The following FBN1 variants were observed in gnomAD, a reference collection of about 807,000 sequenced individuals.
FBN1 encodes fibrillin 1.
Under a neutral mutation model 365.1 loss-of-function variants are expected in FBN1, and 29 were observed. The ratio of observed to expected loss-of-function variants is 0.08; its 90% CI spans 0.06 to 0.11. The LOEUF is 0.11. FBN1 is among the 10% of genes least tolerant of loss of function. FBN1 has a pLI of 1.00. For synonymous variants in FBN1, 1,210 were observed against 1,270.5 expected, an observed-to-expected ratio of 0.95 and a Z score of 1.01; for missense variants, 2,476 against 3,703.2, an observed-to-expected ratio of 0.67 and a Z score of 8.60.
intron 32 of FBN1, among the ~76,000 whole-genome samples, 164 bp downstream of exon 32, chr15:48,481,491 T>A (rs2043464749): frequency 6.6e-6 from 1 of 152,156 alleles, no homozygotes; most frequent in Non-Finnish European, 1.5e-5. Flanking sequence ...ATATAAACGA[T>A]GACAAATTTC....
intron 6 of FBN1, among the ~76,000 whole-genome samples, chr15:48,556,855 A>G (rs1037366027): frequency 1.3e-5 from 2 of 152,226 alleles, no homozygotes; most frequent in African/African-American, 4.8e-5. Flanking sequence ...TCTCAAGCAC[A>G]TATTTTTTAT....
chr15:48,479,261 T>C (rs1223193012), intron 32 of FBN1, among the ~76,000 whole-genome samples: 1 of 152,150 alleles, frequency 6.6e-6, no homozygotes, highest in Admixed American at 6.5e-5. Flanking sequence ...TAAAAACACG[T>C]TTTCAAGTAT....
intron 14 of FBN1, 78 bp downstream of exon 14, chr15:48,509,966 T>C: frequency 7.0e-7 from 1 of 1,434,360 alleles, no homozygotes; most frequent in East Asian, 2.3e-5. Flanking sequence ...ATTTCACTCA[T>C]TATTTGGTCT....
chr15:48,418,554 C>T (rs1044388810), intron 63 of FBN1, among the ~76,000 whole-genome samples: 2 of 152,130 alleles, frequency 1.3e-5, no homozygotes, highest in African/African-American at 4.8e-5. Context: ...TATACAAACA[C>T]CACGATTTGG....
intron 18 of FBN1, among the ~76,000 whole-genome samples, chr15:48,498,590 C>T (rs1006178461): frequency 2.0e-5 from 3 of 152,188 alleles, no homozygotes; most frequent in Non-Finnish European, 2.9e-5. Flanking sequence ...AGTTCAGAAT[C>T]CTTCAGAATG....
In FBN1 at chr15:48,520,775, C is replaced by T. The variant is rs200388305; in HGVS notation, c.1031G>A (p.Arg344His). The T allele has an allele frequency of 6.8e-6, 11 of 1,614,048 alleles. No individual in the cohort carries two copies. The Admixed American group carries it at 8.3e-5, about 12-fold the overall frequency. Residue 344 changes from arginine to histidine, a missense_variant, in exon 10 of 66, where the codon CGC becomes CAC. Transcript: ENST00000316623. Reference protein sequence around the residue: ...GYCYTALTNGRCSNQLPQSIT... With the variant: ...GYCYTALTNGHCSNQLPQSIT... ...GGACTGTGGCAGCTGGTTAGAGCAG[C>T]GCCCGTTTGTCAGAGCTGTGTAACA...
At chr15:48,547,698 GTTGT>G (rs2044104919) in intron 6 of FBN1, among the ~76,000 whole-genome samples, 1 of 141,636 alleles carries the variant, frequency 7.1e-6, no homozygotes, top group Non-Finnish European at 1.5e-5. Context: ...TGGTATATAG[GTTGT>G]TTGTATATCT....
intron 2 of FBN1, chr15:48,643,828 T>C (rs909288149): frequency 3.9e-5 from 6 of 152,212 alleles, no homozygotes; most frequent in Admixed American, 2.6e-4. Flanking sequence ...ATTCCCACTG[T>C]CCTTCAATAC....
intron 2 of FBN1, among the ~76,000 whole-genome samples, chr15:48,636,954 G>A (rs957802827): frequency 8.5e-5 from 13 of 152,212 alleles, no homozygotes; most frequent in African/African-American, 3.1e-4. Context: ...TTTGTTTCAT[G>A]GTAGTAGAGG....
chr15:48,630,301 G>A (rs1434411327), intron 2 of FBN1, among the ~76,000 whole-genome samples: 2 of 152,200 alleles, frequency 1.3e-5, no homozygotes, highest in Non-Finnish European at 2.9e-5. Flanking sequence ...TGCATAAGTG[G>A]AAGAATTCTT....
chr15:48,581,356 C>T (rs1418934791), intron 6 of FBN1, among the ~76,000 whole-genome samples: 13 of 152,162 alleles, frequency 8.5e-5, no homozygotes, highest in African/African-American at 3.1e-4. Flanking sequence ...ATACACACTC[C>T]AATATGCAAT....
Position 48,449,013 on chromosome 15 carries a change from T to C in FBN1, c.5546-120A>G, listed in dbSNP as rs535804684. 4.0e-5 allele frequency: 33 copies of C among 823,752 alleles called. No individual in the cohort carries two copies. The East Asian group carries it at 8.5e-4, about 21-fold the overall frequency. The allele number at this position is 823,752 out of a possible 1,614,324, so 51.0% of individuals were successfully genotyped here. ...CTAAACTAAGTTAGTGAAACAGATATATTTATTTTTGCATCAAAATGGATT... is the reference window on the plus strand; with the variant it reads ...CTAAACTAAGTTAGTGAAACAGATACATTTATTTTTGCATCAAAATGGATT... On this transcript the variant is annotated intron_variant, in intron 45 of 65. Transcript: ENST00000316623.
chr15:48,589,599 T>C (rs1037044258), intron 6 of FBN1, among the ~76,000 whole-genome samples: 8 of 150,754 alleles, frequency 5.3e-5, no homozygotes, highest in African/African-American at 1.7e-4. Context: ...TATCTACACA[T>C]TGTTACTTTC....
In FBN1 at chr15:48,437,911, C is replaced by T. The variant is rs181032147; in HGVS notation, c.6170G>A (p.Arg2057Gln). Residue 2057 changes from arginine (R) to glutamine (Q), a missense_variant, in exon 51 of 66, where the codon CGA (arginine) becomes CAA (glutamine). By Grantham distance (43) the Arg-to-Gln change is conservative. Coordinates refer to ENST00000316623, the MANE Select transcript of FBN1 (RefSeq NM_000138.5). ...AAACTTCGCATAACAGTAGCTCATTCGCAAATCTGCAGCATAAATTTATGA... is the reference window on the plus strand; with the variant it reads ...AAACTTCGCATAACAGTAGCTCATTTGCAAATCTGCAGCATAAATTTATGA... The part of the protein sequence containing the change: ...SSSGRRCQDL[R>Q]MSYCYAKFEG... 5 of 1,613,706 alleles carry T rather than the reference C, an allele frequency of 3.1e-6. No homozygotes were observed. Among genetic ancestry groups the T allele is most frequent in the Admixed American group, 3.3e-5 (2 of 59,970 alleles).
At chr15:48,514,342 C>T (rs16961065) in intron 12 of FBN1, among the ~76,000 whole-genome samples, 23,350 of 152,122 alleles carry the variant, frequency 0.15, 2,604 homozygotes, top group African/African-American at 0.32. Context: ...CCTCACATTC[C>T]GCAACCCTGA....
chr15:48,448,216 AG>A (rs2043173797), intron 46 of FBN1, among the ~76,000 whole-genome samples: 2 of 152,186 alleles, frequency 1.3e-5, no homozygotes, highest in South Asian at 4.1e-4. Context: ...GCTTTAAAGT[AG>A]AAAAATAAAG....
chr15:48,509,543 A>G (rs2043741353), intron 14 of FBN1, among the ~76,000 whole-genome samples: 1 of 148,144 alleles, frequency 6.8e-6, no homozygotes. Context: ...TATCTATTAC[A>G]TATTCAGAAA....
rs1056469507 is a variant in FBN1, at chr15:48,610,921, T to C, written c.248-95A>G. ...AAATGAGGAAACCTGGGTTCTCAGGTCCCTCACAAACTTTGCTATCATGAC... is the reference window on the plus strand; with the variant it reads ...AAATGAGGAAACCTGGGTTCTCAGGCCCCTCACAAACTTTGCTATCATGAC... On this transcript the variant is annotated intron_variant, in intron 3 of 65. Transcript: ENST00000316623. 6.1e-6 allele frequency: 6 copies of C among 989,656 alleles called. No homozygotes were observed. In the Admixed American group the frequency reaches 9.7e-5, roughly 16 times the overall value. The allele number at this position is 989,656 out of a possible 1,614,324, so 61.3% of individuals were successfully genotyped here. A position where few individuals can be genotyped will look rare whatever the true frequency, so the allele number is the denominator to read the frequency against.
chr15:48,450,720 A>G (rs759202774), intron 45 of FBN1, among the ~76,000 whole-genome samples: 5 of 152,220 alleles, frequency 3.3e-5, no homozygotes, highest in Non-Finnish European at 7.3e-5. Context: ...CTCTCTCAGC[A>G]ATAATGTGGG....
Sources: gnomAD v4.1 joint callset for allele counts (sites outside exome capture counted in the v4.1 genomes callset) on GRCh38, gnomAD v4.1.1 for gene constraint, MANE v1.5 for transcripts, NCBI Gene and HGNC (gene_info 2026-07-23, HGNC 2026-07-21) for gene names.